NOS3: variants seen among roughly 807,000 people sequenced by gnomAD.
NOS3 encodes nitric oxide synthase 3, also known as NOS type III.
NOS3 carries 98 observed loss-of-function variants against 144.9 expected under a neutral mutation model. That is an observed-to-expected ratio of 0.68 (90% CI 0.57 to 0.80). The LOEUF (loss-of-function observed/expected upper bound fraction) is 0.80, where lower values mean the gene tolerates loss of function less well. Ranked by LOEUF, NOS3 falls within the 30% of genes least tolerant of loss-of-function variation. The pLI is 0.00. For missense variants in NOS3, 1,465 were observed against 1,656.4 expected (o/e 0.88, Z 2.01); for synonymous variants, 714 against 702.4 (o/e 1.02, Z -0.26).
At chr7:151,001,107 C>T in intron 10 of NOS3, 124 bp from the exon 11 acceptor site, 1 of 904,468 alleles carries the variant, frequency 1.1e-6, no homozygotes, top group Non-Finnish European at 1.7e-6. Context: ...TGAGGGGACA[C>T]AGGGTGTGTT....
intron 24 of NOS3, 126 bp downstream of exon 24, chr7:151,012,598 C>T: frequency 8.3e-7 from 1 of 1,205,182 alleles, no homozygotes; most frequent in African/African-American, 1.5e-5. Context: ...TGAAAAGACG[C>T]TCATGAGACC....
chr7:151,014,502 T>C lies in NOS3; in HGVS notation c.*333T>C, dbSNP rs1398717177. On this transcript the variant is annotated 3_prime_UTR_variant, in exon 27 of 27. Transcript: ENST00000297494. Reference sequence around the variant, plus strand: ...AGTATCTTACCTGTAAAGTCTAATCTCTAAATCAAGTATTTATTATTGAAG... The same window carrying C: ...AGTATCTTACCTGTAAAGTCTAATCCCTAAATCAAGTATTTATTATTGAAG... The C allele has an allele frequency of 1.3e-5, 4 of 316,598 alleles. No homozygotes were observed. Among genetic ancestry groups the C allele is most frequent in the Non-Finnish European group, 2.3e-5 (4 of 172,908 alleles). The allele number at this position is 316,598 out of a possible 1,614,324, so 19.6% of individuals were successfully genotyped here.
rs56066755 is a variant in NOS3, at chr7:150,995,007, C to T, written c.159-196C>T. Among the ~76,000 whole-genome samples the T allele has an allele frequency of 4.5e-3, 692 of 152,250 alleles. 3 individuals are homozygous for T. The highest frequency in any genetic ancestry group is 6.0e-3 in the Non-Finnish European group (409 of 67,994). The stretch of plus-strand genomic sequence containing the variant: ...GGCTCAGGAGCTCAGCACCAGCAGC[C>T]CCTGCAGCCCAGGACCCTGGTCTAT... On this transcript the variant is annotated intron_variant, in intron 2 of 26. Coordinates refer to ENST00000297494, the MANE Select transcript of NOS3 (RefSeq NM_000603.5).
chr7:151,009,494 C>G lies in NOS3; in HGVS notation c.2421C>G (p.Pro807=), dbSNP rs1481802272. The change falls in exon 20 of 27, where the codon CCC becomes CCG. Residue 807 remains proline (P), a synonymous_variant. Coordinates refer to ENST00000297494, the MANE Select transcript of NOS3 (RefSeq NM_000603.5). ...TAGGTGTCTGCCCGCCCAACCGGCC[C>G]GGCCTTGTGGAGGCGCTGCTGAGCC... ...DHIGVCPPNR[P]GLVEALLSRV... 1 of 1,547,942 alleles carries G rather than the reference C, an allele frequency of 6.5e-7. No homozygotes were observed. The highest frequency in any genetic ancestry group is 8.7e-7 in the Non-Finnish European group (1 of 1,146,650).
chr7:151,009,994 G>A lies in NOS3; in HGVS notation c.2513-121G>A, dbSNP rs530050733. Reference sequence around the variant, plus strand: ...CCGAACAATACACTGAGGCTACCTAGACAGGCCGACCCCGCTGCTCAAGGG... The same window carrying A: ...CCGAACAATACACTGAGGCTACCTAAACAGGCCGACCCCGCTGCTCAAGGG... On this transcript the variant is annotated intron_variant, in intron 20 of 26. Transcript: ENST00000297494. 7 of 669,700 alleles carry A rather than the reference G, an allele frequency of 1.0e-5. No individual in the cohort carries two copies. The East Asian group carries it at 1.1e-4, about 10-fold the overall frequency. The allele number at this position is 669,700 out of a possible 1,614,324, so 41.5% of individuals were successfully genotyped here.
intron 17 of NOS3, among the ~76,000 whole-genome samples, chr7:151,008,229 G>A (rs1795235923): frequency 6.6e-6 from 1 of 152,098 alleles, no homozygotes; most frequent in Non-Finnish European, 1.5e-5. Flanking sequence ...AGGAAGGGAG[G>A]GAGGGGCCGA....
At position 151,009,572 on chromosome 7, in the gene NOS3, G is replaced by T; in HGVS notation, c.2499G>T (p.Glu833Asp). Residue 833 changes from glutamate (E) to aspartate (D), a missense_variant, in exon 20 of 27, where the codon GAG becomes GAT. Around this residue, in one of 5 missense-constraint regions of NOS3, gnomAD observed 745 missense variants for 853.9 expected, o/e 0.87. Transcript: ENST00000297494. ...AGCCCGTGGCAGTAGAGCAGCTGGA[G>T]AAGGGCAGCCCTGGTGAGGGGCAGC... Reference protein sequence around the residue: ...PTEPVAVEQLEKGSPGGPPPG... With the variant: ...PTEPVAVEQLDKGSPGGPPPG... The T allele has an allele frequency of 6.5e-7, 1 of 1,537,718 alleles. No homozygotes were observed. The highest frequency in any genetic ancestry group is 8.8e-7 in the Non-Finnish European group (1 of 1,141,860).
rs1795264634 is a variant in NOS3, at chr7:151,009,671, C to G, written c.2512+86C>G. The G allele has an allele frequency of 5.6e-6, 7 of 1,248,234 alleles. No homozygotes were observed. In the East Asian group the frequency reaches 1.8e-4, roughly 32 times the overall value. 77.3% of individuals were successfully genotyped at this position (1,248,234 alleles called of 1,614,324 possible). A position where few individuals can be genotyped will look rare whatever the true frequency, so the allele number is the denominator to read the frequency against. ...CCCCAGGCCTCCAGGAGCTCAGGAC[C>G]CGACCCAGGGGGTGGCCACCTCCTC... is the stretch of plus-strand genomic sequence containing the variant. On this transcript the variant is annotated intron_variant, in intron 20 of 26. Transcript: ENST00000297494.
At position 150,996,469 on chromosome 7, in the gene NOS3, G is replaced by A; in HGVS notation, c.336G>A (p.Arg112=). 6.3e-7 allele frequency: 1 copy of A among 1,591,488 alleles called. No homozygotes were observed. Among genetic ancestry groups the A allele is most frequent in the South Asian group, 1.1e-5 (1 of 88,454 alleles). The part of the protein sequence containing the change: ...SLVFPRKLQG[R]PSPGPPAPEQ... ...TATTTCCACGGAAACTACAGGGCCGGCCCTCCCCCGGCCCCCCGGCCCCTG... is the reference window on the plus strand; with the variant it reads ...TATTTCCACGGAAACTACAGGGCCGACCCTCCCCCGGCCCCCCGGCCCCTG... The change falls in exon 4 of 27, where the codon CGG becomes CGA. Residue 112 remains arginine, a synonymous_variant. Coordinates refer to ENST00000297494, the MANE Select transcript of NOS3 (RefSeq NM_000603.5).
Position 151,009,234 on chromosome 7 carries a change from G to T in NOS3, c.2291G>T (p.Arg764Leu). The T allele has an allele frequency of 6.2e-7, 1 of 1,613,766 alleles. No homozygotes were observed. The highest frequency in any genetic ancestry group is 8.5e-7 in the Non-Finnish European group (1 of 1,179,866). ...HRRKMFQATI[R>L]SVENLQSSKS... Reference sequence around the variant, plus strand: ...CGGAAGATGTTCCAGGCTACAATCCGCTCAGTGGAAAACCTGCAAAGCAGC... The same window carrying T: ...CGGAAGATGTTCCAGGCTACAATCCTCTCAGTGGAAAACCTGCAAAGCAGC... Residue 764 changes from arginine (R) to leucine (L), a missense_variant, in exon 19 of 27, where the codon CGC becomes CTC. Around this residue, in one of 5 missense-constraint regions of NOS3, gnomAD observed 745 missense variants for 853.9 expected, o/e 0.87. Coordinates refer to ENST00000297494, the MANE Select transcript of NOS3 (RefSeq NM_000603.5).
chr7:151,010,850 G>A (rs767527385), intron 22 of NOS3, 43 bp downstream of exon 22: 1 of 1,607,484 alleles, frequency 6.2e-7, no homozygotes, highest in Admixed American at 1.7e-5. Flanking sequence ...AGCAGGGTTG[G>A]GACCGGCCCC....
chr7:150,991,468 C>T (rs918237348), intron 1 of NOS3, among the ~76,000 whole-genome samples, 168 bp downstream of exon 1: 2 of 152,162 alleles, frequency 1.3e-5, no homozygotes, highest in African/African-American at 2.4e-5. Flanking sequence ...TAGGGAGACA[C>T]GAGAAAGCCC....
At chr7:151,012,218 G>GTT in intron 23 of NOS3, 133 bp from the exon 24 acceptor site, 2 of 522,030 alleles carry the variant, frequency 3.8e-6, no homozygotes, top group Non-Finnish European at 6.2e-6. Context: ...GTTGTTTTTT[G>GTT]TTTTTTGTTT....
chr7:151,000,539 G>T lies in NOS3; in HGVS notation c.1173G>T (p.Ser391=). The T allele has an allele frequency of 1.9e-6, 3 of 1,613,562 alleles. No homozygotes were observed. The highest frequency in any genetic ancestry group is 2.5e-6 in the Non-Finnish European group (3 of 1,179,898). The change falls in exon 10 of 27, where the codon TCG becomes TCT. Residue 391 remains serine, a synonymous_variant. Transcript: ENST00000297494. ...VCMDLDTRTT[S]SLWKDKAAVE... ...TGGACCTGGATACCCGGACCACCTC[G>T]TCCCTGTGGAAAGACAAGGCAGCAG... is the stretch of plus-strand genomic sequence containing the variant.
At chr7:150,997,723 G>C (rs868448506) in intron 5 of NOS3, among the ~76,000 whole-genome samples, 2 of 152,172 alleles carry the variant, frequency 1.3e-5, no homozygotes, top group Non-Finnish European at 2.9e-5. Flanking sequence ...GTCATTCAAA[G>C]CTTTAGCTCA....
chr7:151,009,066 G>A lies in NOS3; in HGVS notation c.2245+4G>A. 6.2e-7 allele frequency: 1 copy of A among 1,612,804 alleles called. No homozygotes were observed. Among genetic ancestry groups the A allele is most frequent in the African/African-American group, 1.3e-5 (1 of 74,996 alleles). On this transcript the variant is annotated splice_donor_region_variant and intron_variant, in intron 18 of 26. Coordinates refer to ENST00000297494, the MANE Select transcript of NOS3 (RefSeq NM_000603.5). ...GAGGGCCTGCAGTTGCTGCCAGGTG[G>A]GCCCTGCCCTCACCCTAACCCGGCT...
At chr7:151,001,091 G>A (rs751547751) in intron 10 of NOS3, 140 bp from the exon 11 acceptor site, 4 of 782,464 alleles carry the variant, frequency 5.1e-6, no homozygotes, top group Non-Finnish European at 8.5e-6. Context: ...GGGTGACATT[G>A]TGGTTTGAGG....
chr7:151,006,512 T>TTGGGGGAGC lies in NOS3; in HGVS notation c.1820+30_1820+38dup, dbSNP rs751028588. 3.1e-6 allele frequency: 5 copies of TTGGGGGAGC among 1,605,068 alleles called. No homozygotes were observed. Among genetic ancestry groups the TTGGGGGAGC allele is most frequent in the East Asian group, 2.2e-5 (1 of 44,802 alleles). ...CAGCACAAGTGAGTTGGGTGAGAGTTTGGGGGAGCTGGGGGAGCTGATGCA... is the reference window on the plus strand; with the variant it reads ...CAGCACAAGTGAGTTGGGTGAGAGTTTGGGGGAGCTGGGGGAGCTGGGGGAGCTGATGCA... On this transcript the variant is annotated intron_variant, in intron 15 of 26. Transcript: ENST00000297494.
rs769070711 is a variant in NOS3 at position 150,995,241 on chromosome 7, C to G, written c.197C>G (p.Pro66Arg). The part of the protein sequence containing the change: ...SSPLTQPPEG[P>R]KFPRVKNWEV... ...CCGCTAACCCAGCCCCCAGAGGGGC[C>G]CAAGTTCCCTCGTGTGAAGAACTGG... The change falls in exon 3 of 27, where the codon CCC (proline) becomes CGC (arginine). Residue 66 changes from proline to arginine, a missense_variant. Around this residue, in one of 5 missense-constraint regions of NOS3, gnomAD observed 374 missense variants for 377.0 expected, o/e 0.99. Transcript: ENST00000297494. 6.2e-7 allele frequency: 1 copy of G among 1,611,314 alleles called. No homozygotes were observed. The highest frequency in any genetic ancestry group is 1.3e-5 in the African/African-American group (1 of 74,850).
Sources: allele counts gnomAD v4.1 joint callset (sites outside exome capture counted in the v4.1 genomes callset), GRCh38; gene constraint gnomAD v4.1.1; regional missense constraint gnomAD v4.1.1; transcripts MANE v1.5; gene names NCBI Gene and HGNC (gene_info 2026-07-23, HGNC 2026-07-21).